The following PCM1 variants were observed in gnomAD, a reference collection of about 807,000 sequenced individuals.
PCM1 encodes the protein pericentriolar material 1 protein.
In PCM1, 157 loss-of-function variants were observed where a neutral mutation model predicts 241.9. The observed-to-expected ratio is 0.65, with a 90% CI of 0.57 to 0.74. PCM1 has a LOEUF of 0.74. PCM1 is among the 30% of genes least tolerant of loss of function. The probability of loss-of-function intolerance (pLI) is 0.00; values close to 1 mark genes in which losing one functional copy is unlikely to be tolerated. For missense variants in PCM1, 3,478 were observed against 2,360.1 expected, an observed-to-expected ratio of 1.47 and a Z score of -9.81; for synonymous variants, 1,085 against 784.9, an observed-to-expected ratio of 1.38 and a Z score of -6.39.
At position 18,027,766 on chromosome 8, in the gene PCM1, G is replaced by A; in HGVS notation, c.*104G>A. On this transcript the variant is annotated 3_prime_UTR_variant, in exon 39 of 39. Transcript: ENST00000325083. ...TCTGTATAAAAATGTAAATTAGTTT[G>A]ACACTGCTTTTTTGATAGGTGTGGT... 3 of 754,614 alleles carry A rather than the reference G, an allele frequency of 4.0e-6. No homozygotes were observed. The highest frequency in any genetic ancestry group is 6.2e-6 in the Non-Finnish European group (3 of 485,442). The allele number at this position is 754,614 out of a possible 1,614,324, so 46.7% of individuals were successfully genotyped here.
intron 9 of PCM1, among the ~76,000 whole-genome samples, chr8:17,953,993 C>T (rs951086971): frequency 2.0e-5 from 3 of 152,238 alleles, no homozygotes; most frequent in Non-Finnish European, 4.4e-5. Flanking sequence ...CTCCACCTAT[C>T]TCCTTTTCCT....
intron 29 of PCM1, among the ~76,000 whole-genome samples, chr8:17,999,433 C>G (rs1281444479): frequency 6.6e-6 from 1 of 152,060 alleles, no homozygotes; most frequent in East Asian, 1.9e-4. Context: ...CCTTCTGGGC[C>G]AGAGTGTATC....
rs1253500198 is a variant in PCM1, at chr8:18,028,319, CATCTGTT to C, written c.*658_*664del. Reference sequence around the variant, plus strand: ...CAGTATCTAGAACTTACATCATTATCATCTGTTTGTTAGGATTTGAAATTCTGGAAAA... The same window carrying C: ...CAGTATCTAGAACTTACATCATTATCTGTTAGGATTTGAAATTCTGGAAAA... On this transcript the variant is annotated 3_prime_UTR_variant, in exon 39 of 39. Transcript: ENST00000325083. 6 of 11,538 alleles carry C rather than the reference CATCTGTT, an allele frequency of 5.2e-4. No individual in the cohort carries two copies. Among genetic ancestry groups the C allele is most frequent in the African/African-American group, 3.8e-3 (4 of 1,042 alleles). The allele number at this position is 11,538 out of a possible 1,614,324, so 0.7% of individuals were successfully genotyped here.
At chr8:18,019,228 T>A (rs1044280539) in intron 36 of PCM1, among the ~76,000 whole-genome samples, 1 of 152,100 alleles carries the variant, frequency 6.6e-6, no homozygotes, top group East Asian at 1.9e-4. Context: ...TACAATTCCA[T>A]AGAAATTGTA....
At position 17,985,443 on chromosome 8, in the gene PCM1, C is replaced by G. The variant is rs1049171729; in HGVS notation, c.4109-4C>G. 3 of 1,545,280 alleles carry G rather than the reference C, an allele frequency of 1.9e-6. No homozygotes were observed. The highest frequency in any genetic ancestry group is 1.7e-6 in the Non-Finnish European group (2 of 1,143,496). On this transcript the variant is annotated splice_polypyrimidine_tract_variant and splice_region_variant and intron_variant, in intron 24 of 38. Coordinates refer to ENST00000325083, the MANE Select transcript of PCM1 (RefSeq NM_006197.4). ...TTAACTTTCTGGTCTTTTATGTATT[C>G]CAGAAACTGGGAGTGATTTTTCCAT...
At chr8:17,992,898 T>C (rs2085259997) in intron 28 of PCM1, among the ~76,000 whole-genome samples, 1 of 151,310 alleles carries the variant, frequency 6.6e-6, no homozygotes, top group Admixed American at 6.6e-5. Flanking sequence ...ATTACAACTG[T>C]GAGACACCAC....
intron 29 of PCM1, among the ~76,000 whole-genome samples, chr8:18,004,099 C>T (rs2090523249): frequency 6.6e-6 from 1 of 151,840 alleles, no homozygotes; most frequent in Non-Finnish European, 1.5e-5. Context: ...GTGCAGCCTT[C>T]AGTTAGGAAA....
intron 36 of PCM1, among the ~76,000 whole-genome samples, chr8:18,021,248 C>A (rs1011941963): frequency 1.3e-5 from 2 of 152,166 alleles, no homozygotes; most frequent in African/African-American, 2.4e-5. Context: ...AAAGGCCCTG[C>A]ACTCTACAAA....
intron 24 of PCM1, among the ~76,000 whole-genome samples, chr8:17,983,632 T>C (rs1280982077): frequency 6.6e-6 from 1 of 152,194 alleles, no homozygotes; most frequent in Non-Finnish European, 1.5e-5. Flanking sequence ...TAGTTACTTT[T>C]ATAGTTTATC....
At chr8:17,925,204 G>C (rs2056449686) in intron 2 of PCM1, 1 of 152,122 alleles carries the variant, frequency 6.6e-6, no homozygotes. Context: ...AAATTTAGTT[G>C]TCTAAAATTA....
intron 36 of PCM1, among the ~76,000 whole-genome samples, chr8:18,017,046 T>C (rs1219476830): frequency 6.6e-6 from 1 of 152,184 alleles, no homozygotes. Context: ...GGGAAGCATG[T>C]TAATGGATGA....
chr8:17,955,915 A>C, intron 10 of PCM1: 1 of 456,854 alleles, frequency 2.2e-6, no homozygotes, highest in Admixed American at 3.4e-5. Context: ...TACAGTTAAA[A>C]TATTTCTATA....
chr8:17,959,131 C>G lies in PCM1; in HGVS notation c.2041-883C>G, dbSNP rs925633695. Reference sequence around the variant, plus strand: ...CTATGCACCTATTTTTAAAAAAATACATGACGTTTTGTGGTATGTTTCTTT... The same window carrying G: ...CTATGCACCTATTTTTAAAAAAATAGATGACGTTTTGTGGTATGTTTCTTT... On this transcript the variant is annotated intron_variant, in intron 13 of 38. Coordinates refer to ENST00000325083, the MANE Select transcript of PCM1 (RefSeq NM_006197.4). Among the ~76,000 whole-genome samples the G allele has an allele frequency of 7.9e-5, 12 of 152,176 alleles. 2 individuals are homozygous for G. In the South Asian group the frequency reaches 1.7e-3, roughly 21 times the overall value.
chr8:17,940,228 T>C (rs1420055352), intron 6 of PCM1: 7 of 806,748 alleles, frequency 8.7e-6, no homozygotes, highest in Non-Finnish European at 1.4e-5. Context: ...TTTCAAGATG[T>C]TATTTTTATA....
chr8:17,957,391 A>T lies in PCM1; in HGVS notation c.1774A>T (p.Ile592Leu), dbSNP rs754655749. 1.2e-6 allele frequency: 2 copies of T among 1,612,830 alleles called. No individual in the cohort carries two copies. The highest frequency in any genetic ancestry group is 1.7e-6 in the Non-Finnish European group (2 of 1,179,114). ...AATTAACAACAGATCTGCTGCCAAC[A>T]TAAGGGCTCTAAACATGCCTCCTTC... is the stretch of plus-strand genomic sequence containing the variant. ...CEINNRSAAN[I>L]RALNMPPSLD... The change falls in exon 12 of 39, where the codon ATA (isoleucine) becomes TTA (leucine). Residue 592 changes from isoleucine to leucine, a missense_variant. Physicochemically the swap from Ile to Leu is conservative, Grantham distance 5. Coordinates refer to ENST00000325083, the MANE Select transcript of PCM1 (RefSeq NM_006197.4).
rs940016078 is a variant in PCM1 at position 17,976,402 on chromosome 8, A to G, written c.3943+3715A>G. 2.6e-5 allele frequency among the ~76,000 whole-genome samples: 4 copies of G among 152,314 alleles called. No homozygotes were observed. In the East Asian group the frequency reaches 5.8e-4, roughly 22 times the overall value. On this transcript the variant is annotated intron_variant, in intron 23 of 38. Transcript: ENST00000325083. The stretch of plus-strand genomic sequence containing the variant: ...GTTTAGTCTGCAAATGTACCCTACA[A>G]GGTTGAGGAAGAAAGGTCTCATGTT...
In PCM1 at chr8:18,029,066, G is replaced by C. The variant is rs1273968058; in HGVS notation, c.*1404G>C. On this transcript the variant is annotated 3_prime_UTR_variant, in exon 39 of 39. Coordinates refer to ENST00000325083, the MANE Select transcript of PCM1 (RefSeq NM_006197.4). ...CTTGGGAGGCTAAGGCAGGAGAATAGCCTGAACCCGGGAGGTGGAGGTTGC... is the reference window on the plus strand; with the variant it reads ...CTTGGGAGGCTAAGGCAGGAGAATACCCTGAACCCGGGAGGTGGAGGTTGC... The C allele has an allele frequency of 5.9e-6, 1 of 170,294 alleles. No individual in the cohort carries two copies. The highest frequency in any genetic ancestry group is 1.2e-5 in the Non-Finnish European group (1 of 80,816). The allele number at this position is 170,294 out of a possible 1,614,324, so 10.5% of individuals were successfully genotyped here.
In PCM1 at chr8:17,939,697, A is replaced by T; in HGVS notation, c.619A>T (p.Ser207Cys). The change falls in exon 6 of 39, where the codon AGC (serine) becomes TGC (cysteine). Residue 207 changes from serine to cysteine, a missense_variant. Physicochemically the swap from Ser to Cys is moderately radical, Grantham distance 112 (BLOSUM62 -1). Coordinates refer to ENST00000325083, the MANE Select transcript of PCM1 (RefSeq NM_006197.4). The stretch of plus-strand genomic sequence containing the variant: ...AAAAATATTTCCCCTGCAGATTGTA[A>T]GCAGGCTTGTTCAAATTCGCGATTA... ...EPAMESSQIVSRLVQIRDYIT... is the reference protein window; with the variant it reads ...EPAMESSQIVCRLVQIRDYIT... 1 of 1,525,922 alleles carries T rather than the reference A, an allele frequency of 6.6e-7. No individual in the cohort carries two copies. Among genetic ancestry groups the T allele is most frequent in the Non-Finnish European group, 8.8e-7 (1 of 1,134,118 alleles). 94.5% of individuals were successfully genotyped at this position (1,525,922 alleles called of 1,614,324 possible). A position where few individuals can be genotyped will look rare whatever the true frequency, so the allele number is the denominator to read the frequency against.
chr8:17,938,624 C>T lies in PCM1; in HGVS notation c.343-116C>T, dbSNP rs180793809. The T allele has an allele frequency of 8.5e-4, 586 of 691,582 alleles. 2 individuals carry two copies. The highest frequency in any genetic ancestry group is 3.6e-4 in the Non-Finnish European group (142 of 398,392). The allele number at this position is 691,582 out of a possible 1,614,324, so 42.8% of individuals were successfully genotyped here. On this transcript the variant is annotated intron_variant, in intron 4 of 38. Coordinates refer to ENST00000325083, the MANE Select transcript of PCM1 (RefSeq NM_006197.4). ...CTCTTTCAGGTCTTAGTGCAAAGCT[C>T]TTTGTGTGCACCTTCTGAATCAATA...
Sources: gnomAD v4.1 joint callset for allele counts (sites outside exome capture counted in the v4.1 genomes callset) on GRCh38, gnomAD v4.1.1 for gene constraint, MANE v1.5 for transcripts, NCBI Gene and HGNC (gene_info 2026-07-23, HGNC 2026-07-21) for gene names.